The following FDXR variants were observed in gnomAD, a reference collection of about 807,000 sequenced individuals.
FDXR encodes ferredoxin reductase, also known as NADPH:adrenodoxin oxidoreductase, mitochondrial.
FDXR carries 38 observed loss-of-function variants against 58.3 expected under a neutral mutation model. The ratio of observed to expected loss-of-function variants is 0.65; its 90% CI spans 0.50 to 0.85. The LOEUF (loss-of-function observed/expected upper bound fraction) is 0.85. Ranked by LOEUF, FDXR falls within the 40% of genes least tolerant of loss-of-function variation. The pLI is 0.00. For synonymous variants in FDXR, 275 were observed against 273.8 expected (o/e 1.00, Z -0.04); for missense variants, 624 against 671.0 (o/e 0.93, Z 0.77).
chr17:74,866,063 C>G, intron 5 of FDXR, 68 bp downstream of exon 5: 1 of 1,246,456 alleles, frequency 8.0e-7, no homozygotes, highest in Non-Finnish European at 1.2e-6. Flanking sequence ...TCCCTCTTCC[C>G]CCAGGTCTGG....
intron 2 of FDXR, chr17:74,868,216 G>A (rs899693268): frequency 5.0e-5 from 18 of 356,972 alleles, no homozygotes; most frequent in South Asian, 1.1e-4. Flanking sequence ...CAAGCCCCAC[G>A]ATGTTGTACC....
intron 1 of FDXR, 54 bp downstream of exon 1, chr17:74,872,812 C>A (rs545038851): frequency 3.2e-6 from 5 of 1,541,364 alleles, no homozygotes; most frequent in African/African-American, 1.4e-5. Context: ...CCCTACTCAG[C>A]GCTCGCAGGC....
intron 2 of FDXR, among the ~76,000 whole-genome samples, chr17:74,867,768 C>T (rs1018124057): frequency 2.0e-5 from 3 of 152,014 alleles, no homozygotes; most frequent in Non-Finnish European, 2.9e-5. Context: ...TCTGGTATGG[C>T]TCTGCCACCA....
chr17:74,866,423 A>T (rs1414132676), intron 4 of FDXR, 23 bp downstream of exon 4: 1 of 1,611,502 alleles, frequency 6.2e-7, no homozygotes, highest in South Asian at 1.1e-5. Flanking sequence ...TGCCTCCCCA[A>T]GCCAGGGCCT....
chr17:74,864,532 G>A lies in FDXR; in HGVS notation c.750C>T (p.Ala250=), dbSNP rs2070921. 29,899 of 1,614,016 alleles carry A rather than the reference G, an allele frequency of 0.019. 944 individuals are homozygous for A. Among genetic ancestry groups the A allele is most frequent in the East Asian group, 0.13 (6,014 of 44,858 alleles). ...ELREMIQLPG[A]RPILDPVDFL... is the part of the protein sequence containing the mutation. ...AATCCACAGGATCCAAAATGGGCCG[G>A]GCTCCCGGTAACTGAATCATCTCCC... Residue 250 remains alanine, a synonymous_variant, in exon 8 of 12, where the codon GCC becomes GCT. Coordinates refer to ENST00000293195, the MANE Select transcript of FDXR (RefSeq NM_024417.5).
At chr17:74,866,343 C>T (rs2038182346) in intron 4 of FDXR, 99 bp from the exon 5 acceptor site, 8 of 1,570,324 alleles carry the variant, frequency 5.1e-6, no homozygotes, top group Non-Finnish European at 6.9e-6. Context: ...TCCAGCTTCT[C>T]AGCAGCTTGC....
In FDXR at chr17:74,865,921, T is replaced by C. The variant is rs2038163367; in HGVS notation, c.508-101A>G. 1.2e-5 allele frequency: 12 copies of C among 1,004,842 alleles called. No homozygotes were observed. In the South Asian group the frequency reaches 1.7e-4, roughly 15 times the overall value. The allele number at this position is 1,004,842 out of a possible 1,614,324, so 62.2% of individuals were successfully genotyped here. A position where few individuals can be genotyped will look rare whatever the true frequency, so the allele number is the denominator to read the frequency against. ...CCTGGTCCCCACTGTGCCCTGGGGC[T>C]TCCCCACACCGGGAAAGTCCACAAC... is the stretch of plus-strand genomic sequence containing the variant. On this transcript the variant is annotated intron_variant, in intron 5 of 11. Coordinates refer to ENST00000293195, the MANE Select transcript of FDXR (RefSeq NM_024417.5).
At chr17:74,865,642 T>C in intron 6 of FDXR, 77 bp downstream of exon 6, 1 of 1,022,570 alleles carries the variant, frequency 9.8e-7, no homozygotes, top group Non-Finnish European at 1.5e-6. Context: ...AGGTAAGGCC[T>C]GAACCCTGCA....
intron 5 of FDXR, 142 bp from the exon 6 acceptor site, chr17:74,865,962 C>A: frequency 1.2e-6 from 1 of 846,030 alleles, no homozygotes. Flanking sequence ...TCCCTCCTCC[C>A]CCACCTGGAC....
intron 7 of FDXR, 58 bp from the exon 8 acceptor site, chr17:74,864,622 G>A (rs2038103831): frequency 1.3e-6 from 2 of 1,529,644 alleles, no homozygotes; most frequent in Non-Finnish European, 1.8e-6. Flanking sequence ...CAGTCCACCT[G>A]AGCCCACCCC....
At position 74,872,953 on chromosome 17, in the gene FDXR, G is replaced by A. The variant is rs492095; in HGVS notation, c.-9C>T. 0.75 allele frequency: 1,163,311 copies of A among 1,551,696 alleles called. 439,112 individuals carry two copies. The highest frequency in any genetic ancestry group is 0.94 in the African/African-American group (69,372 of 73,526). ...CAGCAGCGCGAAGCCATGGCTGGGAGCAGCAACCTGCAAGTGGATCTGTTC... is the reference window on the plus strand; with the variant it reads ...CAGCAGCGCGAAGCCATGGCTGGGAACAGCAACCTGCAAGTGGATCTGTTC... On this transcript the variant is annotated 5_prime_UTR_variant, in exon 1 of 12. Transcript: ENST00000293195.
In FDXR at chr17:74,872,979, C is replaced by T; in HGVS notation, c.-35G>A. Reference sequence around the variant, plus strand: ...CAGCAACCTGCAAGTGGATCTGTTCCTAGCTACTGCTCCGCAGGGCAAGCC... The same window carrying T: ...CAGCAACCTGCAAGTGGATCTGTTCTTAGCTACTGCTCCGCAGGGCAAGCC... On this transcript the variant is annotated 5_prime_UTR_variant, in exon 1 of 12. Transcript: ENST00000293195. 6.5e-7 allele frequency: 1 copy of T among 1,536,198 alleles called. No individual in the cohort carries two copies. The highest frequency in any genetic ancestry group is 1.2e-5 in the South Asian group (1 of 83,608).
chr17:74,863,813 T>A lies in FDXR; in HGVS notation c.1174+83A>T, dbSNP rs1256622343. 4.0e-6 allele frequency: 6 copies of A among 1,506,770 alleles called. No homozygotes were observed. The Admixed American group carries it at 1.1e-4, about 29-fold the overall frequency. The allele number at this position is 1,506,770 out of a possible 1,614,324, so 93.3% of individuals were successfully genotyped here. A position where few individuals can be genotyped will look rare whatever the true frequency, so the allele number is the denominator to read the frequency against. On this transcript the variant is annotated intron_variant, in intron 10 of 11. Coordinates refer to ENST00000293195, the MANE Select transcript of FDXR (RefSeq NM_024417.5). ...AAGCTTCTCAGTACATGTTGCTAGA[T>A]GAATGAACGCATGGCCCCAGGAGAT... is the stretch of plus-strand genomic sequence containing the variant.
chr17:74,866,043 G>T, intron 5 of FDXR, 88 bp downstream of exon 5: 1 of 1,095,854 alleles, frequency 9.1e-7, no homozygotes, highest in South Asian at 1.4e-5. Flanking sequence ...GCTCGCCACT[G>T]GATGGCAGCT....
At position 74,862,680 on chromosome 17, in the gene FDXR, C is replaced by T. The variant is rs1160054282; in HGVS notation, c.*137G>A. 3 of 1,220,446 alleles carry T rather than the reference C, an allele frequency of 2.5e-6. No homozygotes were observed. Among genetic ancestry groups the T allele is most frequent in the East Asian group, 2.5e-5 (1 of 40,250 alleles). 75.6% of individuals were successfully genotyped at this position (1,220,446 alleles called of 1,614,324 possible). ...GACCTTCCCCAGGAGGGAGGAGAGA[C>T]GCTGGAAGAGCAGCCAAGCCTCCAA... is the stretch of plus-strand genomic sequence containing the variant. On this transcript the variant is annotated 3_prime_UTR_variant, in exon 12 of 12. Coordinates refer to ENST00000293195, the MANE Select transcript of FDXR (RefSeq NM_024417.5).
intron 2 of FDXR, among the ~76,000 whole-genome samples, chr17:74,870,336 G>T (rs1193889254): frequency 2.0e-5 from 3 of 152,034 alleles, no homozygotes; most frequent in Admixed American, 6.6e-5. Flanking sequence ...GATCAACATG[G>T]TGAAACCCTG....
At chr17:74,864,994 T>C in intron 6 of FDXR, 63 bp from the exon 7 acceptor site, 2 of 1,612,372 alleles carry the variant, frequency 1.2e-6, no homozygotes, top group Non-Finnish European at 1.7e-6. Context: ...ACTCTCCATT[T>C]GGTCATGTCC....
Position 74,872,857 on chromosome 17 carries a change from T to C in FDXR, c.79+9A>G, listed in dbSNP as rs1258733347. On this transcript the variant is annotated intron_variant, in intron 1 of 11. Coordinates refer to ENST00000293195, the MANE Select transcript of FDXR (RefSeq NM_024417.5). ...CTCCCATCCAGCCCCAAAGGCGCCC[T>C]GCTCCTACTCGGGGTGCTCCCGGCG... 2 of 1,546,634 alleles carry C rather than the reference T, an allele frequency of 1.3e-6. No homozygotes were observed.
intron 1 of FDXR, 56 bp from the exon 2 acceptor site, chr17:74,872,189 C>T: frequency 6.3e-7 from 1 of 1,579,258 alleles, no homozygotes; most frequent in Non-Finnish European, 8.6e-7. Context: ...TCCCCAGTCC[C>T]AAACCAACCT....
Sources: gnomAD v4.1 joint callset for allele counts (sites outside exome capture counted in the v4.1 genomes callset) on GRCh38, gnomAD v4.1.1 for gene constraint, MANE v1.5 for transcripts, NCBI Gene and HGNC (gene_info 2026-07-23, HGNC 2026-07-21) for gene names.